Variants in CEP104 observed in about 807,000 individuals in gnomAD.
CEP104 encodes the protein centrosomal protein of 104 kDa.
Under a neutral mutation model 113.3 loss-of-function variants are expected in CEP104, and 84 were observed. That is an observed-to-expected ratio of 0.74 (90% confidence interval 0.62 to 0.89). The LOEUF is 0.89. CEP104 is among the 40% of genes least tolerant of loss of function. The probability of loss-of-function intolerance (pLI) is 0.00; values close to 1 mark genes in which losing one functional copy is unlikely to be tolerated. For synonymous variants in CEP104, 378 were observed against 421.7 expected (o/e 0.90, Z 1.27); for missense variants, 1,053 against 1,156.6 (o/e 0.91, Z 1.30).
rs752566360 is a variant in CEP104 at position 3,833,956 on chromosome 1, G to A, written c.1565C>T (p.Thr522Ile). 7.4e-6 allele frequency: 12 copies of A among 1,613,436 alleles called. No homozygotes were observed. In the African/African-American group the frequency reaches 1.5e-4, roughly 20 times the overall value. Reference sequence around the variant, plus strand: ...AATGGTCCTCTCCACACAGTGAGCTGTTTCAAGTTTACTCAGTTTATGTTT... The same window carrying A: ...AATGGTCCTCTCCACACAGTGAGCTATTTCAAGTTTACTCAGTTTATGTTT... ...IPKHKLSKLE[T>I]AHCVERTIPV... Residue 522 changes from threonine to isoleucine, a missense_variant, in exon 12 of 22, where the codon ACA becomes ATA. By Grantham distance (89) the Thr-to-Ile change is moderately conservative. Transcript: ENST00000378230.
At chr1:3,847,421 A>G in intron 4 of CEP104, 54 bp downstream of exon 4, 4 of 1,485,704 alleles carry the variant, frequency 2.7e-6, no homozygotes, top group Non-Finnish European at 3.6e-6. Context: ...GTGACCACAT[A>G]ATCCCACAAA....
chr1:3,836,268 T>C (rs1644307779), intron 10 of CEP104, among the ~76,000 whole-genome samples: 1 of 144,236 alleles, frequency 6.9e-6, no homozygotes, highest in Non-Finnish European at 1.5e-5. Context: ...ATCTTGCCAC[T>C]GCACTCCAGC....
chr1:3,844,967 A>C lies in CEP104; in HGVS notation c.506T>G (p.Leu169Trp). The C allele has an allele frequency of 1.2e-6, 2 of 1,614,172 alleles. No homozygotes were observed. The highest frequency in any genetic ancestry group is 1.7e-6 in the Non-Finnish European group (2 of 1,180,014). The change falls in exon 6 of 22, where the codon TTG becomes TGG. Residue 169 changes from leucine (L) to tryptophan (W), a missense_variant. Transcript: ENST00000378230. ...GTTGTGCCCAAGGTAGTGGTCAATC[A>C]ACTTCTCTCGAGAGGCCTTTGGGGG... The part of the protein sequence containing the change: ...DESNTASREK[L>W]IDHYLGHNSE...
At chr1:3,826,792 G>T (rs757051788) in intron 15 of CEP104, 48 bp from the exon 16 acceptor site, 3 of 1,535,476 alleles carry the variant, frequency 2.0e-6, no homozygotes, top group Non-Finnish European at 2.7e-6. Context: ...TGCAGTGTGA[G>T]TGAGTGAGAG....
intron 20 of CEP104, among the ~76,000 whole-genome samples, chr1:3,821,092 G>A (rs546084729): frequency 1.8e-4 from 27 of 152,316 alleles, no homozygotes; most frequent in African/African-American, 6.5e-4. Flanking sequence ...TGGGCATGAG[G>A]CCCCCAGCGC....
intron 10 of CEP104, among the ~76,000 whole-genome samples, chr1:3,835,773 G>A (rs1260988202): frequency 1.3e-5 from 2 of 152,188 alleles, no homozygotes; most frequent in Non-Finnish European, 2.9e-5. Flanking sequence ...TTTAATACAA[G>A]CTCCATGAAT....
At chr1:3,849,262 A>G (rs894393781) in intron 2 of CEP104, among the ~76,000 whole-genome samples, 10 of 130,242 alleles carry the variant, frequency 7.7e-5, no homozygotes, top group African/African-American at 1.8e-4. Flanking sequence ...CAAAAGTGAC[A>G]TAACTTTTTT....
chr1:3,835,081 G>C lies in CEP104; in HGVS notation c.1329C>G (p.Ala443=). 7 of 1,612,790 alleles carry C rather than the reference G, an allele frequency of 4.3e-6. No individual in the cohort carries two copies. The highest frequency in any genetic ancestry group is 5.9e-6 in the Non-Finnish European group (7 of 1,179,402). ...DVLGETLVAE[A]YCKTWSYRED... is the part of the protein sequence containing the mutation. ...CTCGGTAGGACCACGTCTTACAATA[G>C]GCCTCAGCAACCTACCACAAAACAG... Residue 443 remains alanine (A), a synonymous_variant, in exon 11 of 22, where the codon GCC becomes GCG. Coordinates refer to ENST00000378230, the MANE Select transcript of CEP104 (RefSeq NM_014704.4).
chr1:3,835,918 A>G (rs1644299849), intron 10 of CEP104, among the ~76,000 whole-genome samples: 2 of 151,300 alleles, frequency 1.3e-5, no homozygotes, highest in Admixed American at 1.3e-4. Flanking sequence ...GCACTTTGGG[A>G]GGCCAAGGCC....
chr1:3,854,294 A>C (rs1436772249), intron 1 of CEP104, among the ~76,000 whole-genome samples: 1 of 151,794 alleles, frequency 6.6e-6, no homozygotes, highest in Non-Finnish European at 1.5e-5. Flanking sequence ...GCCCAGCTCC[A>C]GTCATCTCCA....
chr1:3,835,701 C>T (rs922945230), intron 10 of CEP104, among the ~76,000 whole-genome samples: 1 of 152,034 alleles, frequency 6.6e-6, no homozygotes, highest in African/African-American at 2.4e-5. Flanking sequence ...GGAGATACTT[C>T]CATCTTTTGC....
intron 10 of CEP104, among the ~76,000 whole-genome samples, chr1:3,835,316 T>C (rs1057272799): frequency 3.3e-5 from 5 of 152,240 alleles, no homozygotes; most frequent in African/African-American, 1.2e-4. Context: ...TGTTAAAATA[T>C]AAAAAGTATT....
At chr1:3,854,870 ATT>A (rs36065862) in intron 1 of CEP104, among the ~76,000 whole-genome samples, 12 of 122,946 alleles carry the variant, frequency 9.8e-5, no homozygotes, top group Admixed American at 1.8e-4. Context: ...CAGTCTCCAA[ATT>A]TTTTTTTTTT....
At chr1:3,841,566 C>T (rs1644413352) in intron 6 of CEP104, among the ~76,000 whole-genome samples, 1 of 152,206 alleles carries the variant, frequency 6.6e-6, no homozygotes, top group African/African-American at 2.4e-5. Flanking sequence ...CTGTGGTACC[C>T]AGTCCCAGCT....
chr1:3,851,560 G>C (rs1644611914), intron 2 of CEP104, among the ~76,000 whole-genome samples: 2 of 152,196 alleles, frequency 1.3e-5, no homozygotes, highest in African/African-American at 4.8e-5. Flanking sequence ...CAGATGCCAA[G>C]TGAGTGCATG....
intron 20 of CEP104, among the ~76,000 whole-genome samples, chr1:3,817,992 C>T (rs540699689): frequency 3.3e-5 from 5 of 152,254 alleles, no homozygotes; most frequent in African/African-American, 4.8e-5. Context: ...CAGGCACACG[C>T]GTGTGTGAGC....
chr1:3,839,516 G>T, intron 7 of CEP104, 92 bp downstream of exon 7: 1 of 1,184,914 alleles, frequency 8.4e-7, no homozygotes, highest in Non-Finnish European at 1.2e-6. Flanking sequence ...ACGGCTTTTA[G>T]TAACTGGTTT....
intron 15 of CEP104, among the ~76,000 whole-genome samples, chr1:3,827,727 G>T (rs1644119967): frequency 6.6e-6 from 1 of 152,202 alleles, no homozygotes; most frequent in Non-Finnish European, 1.5e-5. Context: ...CCTGGGAGAG[G>T]CCTTCACCAG....
At chr1:3,838,436 CCA>C (rs1557680268) in intron 8 of CEP104, among the ~76,000 whole-genome samples, 2 of 152,226 alleles carry the variant, frequency 1.3e-5, no homozygotes, top group East Asian at 3.9e-4. Context: ...CAGGCGTGAG[CCA>C]CCATGCCTGG....
Sources: allele counts gnomAD v4.1 joint callset (sites outside exome capture counted in the v4.1 genomes callset), GRCh38; gene constraint gnomAD v4.1.1; transcripts MANE v1.5; gene names NCBI Gene and HGNC (gene_info 2026-07-23, HGNC 2026-07-21).